Variants in CDKL4 observed in about 807,000 individuals in gnomAD.
CDKL4 encodes cyclin dependent kinase like 4, also known as cyclin-dependent kinase-like 4.
Under a neutral mutation model 42.0 loss-of-function variants are expected in CDKL4, and 44 were observed. The ratio of observed to expected loss-of-function variants is 1.05; its 90% CI spans 0.82 to 1.35. CDKL4 has a LOEUF of 1.35. CDKL4 is among the 40% of genes most tolerant of loss of function. The probability of loss-of-function intolerance (pLI) is 0.00; values close to 1 mark genes in which losing one functional copy is unlikely to be tolerated. For missense variants in CDKL4, 393 were observed against 369.9 expected (o/e 1.06, Z -0.51); for synonymous variants, 120 against 121.6 (o/e 0.99, Z 0.09).
chr2:39,184,542 A>T, intron 8 of CDKL4, 49 bp downstream of exon 8: 1 of 1,337,846 alleles, frequency 7.5e-7, no homozygotes, highest in Non-Finnish European at 1.1e-6. Context: ...TACCAGCTTC[A>T]GTCATTACAA....
chr2:39,178,659 T>C lies in CDKL4; in HGVS notation c.927+528A>G, dbSNP rs760910492. On this transcript the variant is annotated intron_variant, in intron 9 of 9. Transcript: ENST00000451199. ...CATACTGTTCTGCAATATTGGCCCA[T>C]TGGGTAGAATTTGGTTCCCAGATGT... 11 of 1,602,162 alleles carry C rather than the reference T, an allele frequency of 6.9e-6. No homozygotes were observed. In the Admixed American group the frequency reaches 1.4e-4, roughly 20 times the overall value.
At chr2:39,198,523 T>C (rs1054080251) in intron 5 of CDKL4, among the ~76,000 whole-genome samples, 1 of 152,018 alleles carries the variant, frequency 6.6e-6, no homozygotes, top group Non-Finnish European at 1.5e-5. Flanking sequence ...TTCTACACCA[T>C]AAATGCAGAA....
chr2:39,235,988 G>C (rs1363153063), intron 1 of CDKL4, among the ~76,000 whole-genome samples: 1 of 152,012 alleles, frequency 6.6e-6, no homozygotes, highest in Admixed American at 6.6e-5. Context: ...TCAGATGTTG[G>C]ATTTAGCTGA....
At chr2:39,240,873 G>C (rs1428947267) in intron 1 of CDKL4, among the ~76,000 whole-genome samples, 4 of 152,104 alleles carry the variant, frequency 2.6e-5, no homozygotes, top group Non-Finnish European at 5.9e-5. Flanking sequence ...ATCTAATTAT[G>C]AGTTAACAAT....
intron 9 of CDKL4, 36 bp from the exon 10 acceptor site, chr2:39,176,132 T>C (rs543903779): frequency 6.6e-6 from 3 of 451,554 alleles, no homozygotes; most frequent in Admixed American, 2.7e-5. Flanking sequence ...AGAAAGCAAA[T>C]TGAAAACAAT....
chr2:39,245,506 C>T (rs1423209496), upstream of CDKL4, among the ~76,000 whole-genome samples: 2 of 152,196 alleles, frequency 1.3e-5, no homozygotes, highest in African/African-American at 4.8e-5. Flanking sequence ...AAGAACCCAC[C>T]AATTCCGGAC....
At chr2:39,235,852 A>G (rs1679340802) in intron 1 of CDKL4, among the ~76,000 whole-genome samples, 1 of 152,092 alleles carries the variant, frequency 6.6e-6, no homozygotes, top group African/African-American at 2.4e-5. Flanking sequence ...AGGAGATAAA[A>G]CTGGATTTTA....
chr2:39,183,267 CA>C (rs5830560), intron 8 of CDKL4, among the ~76,000 whole-genome samples: 121,492 of 147,330 alleles, frequency 0.82, 50,898 homozygotes, highest in Non-Finnish European at 0.92. Flanking sequence ...GACTCTGTCT[CA>C]AAAAAAAAAA....
upstream of CDKL4, among the ~76,000 whole-genome samples, chr2:39,244,934 C>A (rs760927669): frequency 1.2e-3 from 176 of 151,898 alleles, 1 homozygote; most frequent in Non-Finnish European, 2.2e-3. Context: ...CTTTGTGTCG[C>A]TACTCTGTAT....
intron 8 of CDKL4, among the ~76,000 whole-genome samples, chr2:39,182,398 G>T (rs924751412): frequency 2.6e-5 from 4 of 152,196 alleles, no homozygotes; most frequent in Non-Finnish European, 5.9e-5. Context: ...AGAAGACACT[G>T]CTAATGCTGA....
At chr2:39,201,089 A>C (rs1317625750) in intron 5 of CDKL4, among the ~76,000 whole-genome samples, 1 of 152,202 alleles carries the variant, frequency 6.6e-6, no homozygotes, top group African/African-American at 2.4e-5. Flanking sequence ...ACTAATATCC[A>C]GAATCTACAA....
intron 3 of CDKL4, among the ~76,000 whole-genome samples, chr2:39,224,685 G>A (rs898960876): frequency 6.6e-6 from 1 of 151,652 alleles, no homozygotes; most frequent in Non-Finnish European, 1.5e-5. Flanking sequence ...TATCTTTTTA[G>A]TAGAGACAGG....
chr2:39,168,510 T>A, the CDKL4 span, among the ~76,000 whole-genome samples: 38 of 151,772 alleles, frequency 2.5e-4, no homozygotes, highest in Non-Finnish European at 3.8e-4. Context: ...CTGAGGCGGG[T>A]GGATCACCCA....
intron 5 of CDKL4, 90 bp downstream of exon 5, chr2:39,204,437 G>A: frequency 1.3e-6 from 1 of 774,844 alleles, no homozygotes; most frequent in South Asian, 1.5e-5. Context: ...TACAATATTT[G>A]GCATATGTCC....
intron 9 of CDKL4, chr2:39,178,651 T>C (rs1328379990): frequency 1.9e-6 from 3 of 1,597,218 alleles, no homozygotes; most frequent in Middle Eastern, 1.7e-4. Flanking sequence ...TTCTGCAATA[T>C]TGGCCCATTG....
At chr2:39,198,574 T>G (rs1029186646) in intron 5 of CDKL4, among the ~76,000 whole-genome samples, 1 of 152,136 alleles carries the variant, frequency 6.6e-6, no homozygotes. Flanking sequence ...TCTGCCAAGA[T>G]AGACCATATA....
downstream of CDKL4, among the ~76,000 whole-genome samples, chr2:39,171,665 T>A (rs1675002730): frequency 6.6e-6 from 1 of 152,190 alleles, no homozygotes; most frequent in Non-Finnish European, 1.5e-5. Context: ...GCATTTTGAA[T>A]GGCCTGAAAA....
At chr2:39,243,368 A>G (rs1394622546) in intron 1 of CDKL4, among the ~76,000 whole-genome samples, 1 of 152,252 alleles carries the variant, frequency 6.6e-6, no homozygotes, top group Non-Finnish European at 1.5e-5. Context: ...ACACCTGTTT[A>G]TAAACCTGTC....
intron 4 of CDKL4, among the ~76,000 whole-genome samples, chr2:39,211,962 C>G (rs1158233353): frequency 6.6e-6 from 1 of 152,060 alleles, no homozygotes; most frequent in African/African-American, 2.4e-5. Context: ...GATATAAACT[C>G]CAATTTACAG....
Sources: gnomAD v4.1 joint callset for allele counts (sites outside exome capture counted in the v4.1 genomes callset) on GRCh38, gnomAD v4.1.1 for gene constraint, MANE v1.5 for transcripts, NCBI Gene and HGNC (gene_info 2026-07-23, HGNC 2026-07-21) for gene names.